CTNNA3: variants seen among roughly 807,000 people sequenced by gnomAD.
CTNNA3 encodes catenin alpha-3.
In CTNNA3, 76 loss-of-function variants were observed where a neutral mutation model predicts 95.7. The ratio of observed to expected loss-of-function variants is 0.79; its 90% CI spans 0.66 to 0.96. The LOEUF (loss-of-function observed/expected upper bound fraction) is 0.96, where lower values mean the gene tolerates loss of function less well. Ranked by LOEUF, CTNNA3 falls within the 40% of genes least tolerant of loss-of-function variation. The pLI is 0.00. For synonymous variants in CTNNA3, 431 were observed against 374.4 expected, an observed-to-expected ratio of 1.15 and a Z score of -1.74; for missense variants, 1,191 against 1,089.8, an observed-to-expected ratio of 1.09 and a Z score of -1.31.
intron 7 of CTNNA3, among the ~76,000 whole-genome samples, chr10:66,815,469 T>G (rs1043915196): frequency 6.6e-6 from 1 of 152,142 alleles, no homozygotes; most frequent in Non-Finnish European, 1.5e-5. Flanking sequence ...TTGTTTGACT[T>G]GTCTGGTGGT....
intron 1 of CTNNA3, among the ~76,000 whole-genome samples, chr10:67,704,508 G>C (rs545905625): frequency 1.2e-3 from 177 of 152,246 alleles, no homozygotes; most frequent in Admixed American, 2.4e-3. Context: ...ACAAACCTGA[G>C]AAAAACAAGC....
intron 1 of CTNNA3, among the ~76,000 whole-genome samples, chr10:67,723,280 C>A (rs1236123733): frequency 1.3e-5 from 2 of 151,576 alleles, no homozygotes; most frequent in Non-Finnish European, 2.9e-5. Flanking sequence ...AGCCACGGCA[C>A]CTGGCCTCTT....
intron 9 of CTNNA3, among the ~76,000 whole-genome samples, chr10:66,723,670 A>G (rs1311792815): frequency 6.6e-6 from 1 of 152,170 alleles, no homozygotes; most frequent in African/African-American, 2.4e-5. Context: ...ATCAGTTAAT[A>G]GCCTGTGTTG....
At chr10:66,806,302 C>T (rs1266383181) in intron 7 of CTNNA3, among the ~76,000 whole-genome samples, 3 of 116,478 alleles carry the variant, frequency 2.6e-5, no homozygotes, top group African/African-American at 1.0e-4. Context: ...TATATATACT[C>T]ATTTAATAAT....
intron 6 of CTNNA3, among the ~76,000 whole-genome samples, chr10:67,211,380 G>A (rs1264600252): frequency 6.6e-6 from 1 of 152,026 alleles, no homozygotes; most frequent in African/African-American, 2.4e-5. Flanking sequence ...GTACATCATG[G>A]GGTCTAAGAG....
chr10:66,172,575 A>G (rs1315951193), intron 13 of CTNNA3, among the ~76,000 whole-genome samples: 2 of 152,052 alleles, frequency 1.3e-5, no homozygotes, highest in Admixed American at 6.6e-5. Context: ...TTTGATGACC[A>G]TTATTTGCGA....
chr10:66,775,080 T>G (rs1004333171), intron 8 of CTNNA3, among the ~76,000 whole-genome samples: 5 of 152,164 alleles, frequency 3.3e-5, no homozygotes, highest in Admixed American at 1.3e-4. Context: ...TTGCTATGGG[T>G]CAGGCACTTA....
At chr10:66,099,527 T>C (rs1378528292) in intron 14 of CTNNA3, among the ~76,000 whole-genome samples, 1 of 152,066 alleles carries the variant, frequency 6.6e-6, no homozygotes, top group Non-Finnish European at 1.5e-5. Flanking sequence ...AAATATAATG[T>C]TGGTTCTTGT....
intron 13 of CTNNA3, among the ~76,000 whole-genome samples, chr10:66,202,870 T>A (rs2087519006): frequency 6.6e-6 from 1 of 152,236 alleles, no homozygotes; most frequent in African/African-American, 2.4e-5. Context: ...AATTAATTAC[T>A]CATTAATCAT....
rs1019539793 is a variant in CTNNA3 at position 67,750,836 on chromosome 10, T to C, written c.-2+12598A>G. On this transcript the variant is annotated intron_variant, in intron 1 of 17. Coordinates refer to the CTNNA3 transcript ENST00000684154. ...AAATATAAACCAGTGACTAACCAGG[T>C]TGAGTGTCACCCATACCTCACACAG... is the stretch of plus-strand genomic sequence containing the variant. 12 of 1,610,886 alleles carry C rather than the reference T, an allele frequency of 7.4e-6. No individual in the cohort carries two copies. In the East Asian group the frequency reaches 2.5e-4, roughly 33 times the overall value.
At chr10:67,113,177 T>C (rs928301525) in intron 7 of CTNNA3, among the ~76,000 whole-genome samples, 1 of 152,220 alleles carries the variant, frequency 6.6e-6, no homozygotes, top group Non-Finnish European at 1.5e-5. Flanking sequence ...TGAAATTATT[T>C]AGAGAGAAGT....
In CTNNA3 at chr10:65,948,280, CAAA is replaced by C. The variant is rs56966630; in HGVS notation, c.2400+18329_2400+18331del. 1.6e-4 allele frequency among the ~76,000 whole-genome samples: 16 copies of C among 97,712 alleles called. No individual in the cohort carries two copies. In the East Asian group the frequency reaches 2.5e-3, roughly 15 times the overall value. 64.1% of individuals were successfully genotyped at this position (97,712 alleles called of 152,430 possible). A position where few individuals can be genotyped will look rare whatever the true frequency, so the allele number is the denominator to read the frequency against. On this transcript the variant is annotated intron_variant, in intron 17 of 17. Transcript: ENST00000433211. ...TGGGCAACAGAGCGAGACTCCATCT[CAAA>C]AAAAAAAAAAAAAAAAGAAAGAAAG...
chr10:66,981,020 C>T (rs1167039332), intron 7 of CTNNA3, among the ~76,000 whole-genome samples: 1 of 152,106 alleles, frequency 6.6e-6, no homozygotes, highest in African/African-American at 2.4e-5. Context: ...GATTCTCTTG[C>T]CTCAGCCTCC....
chr10:67,197,364 A>T (rs982481649), intron 6 of CTNNA3, among the ~76,000 whole-genome samples: 3 of 151,928 alleles, frequency 2.0e-5, no homozygotes, highest in Non-Finnish European at 4.4e-5. Context: ...TCTACCTTTC[A>T]CTTCTGTCTA....
At chr10:67,171,101 G>A (rs964258417) in intron 7 of CTNNA3, among the ~76,000 whole-genome samples, 6 of 152,024 alleles carry the variant, frequency 3.9e-5, no homozygotes, top group African/African-American at 1.4e-4. Context: ...ACATATTATT[G>A]TAGTTTGCAT....
chr10:66,218,041 C>A (rs1005314075), intron 13 of CTNNA3, among the ~76,000 whole-genome samples: 1 of 152,180 alleles, frequency 6.6e-6, no homozygotes, highest in African/African-American at 2.4e-5. Flanking sequence ...TGTGTGGTGG[C>A]CTGGGATTCA....
chr10:66,564,555 A>G (rs1283162140), intron 10 of CTNNA3, among the ~76,000 whole-genome samples: 1 of 152,194 alleles, frequency 6.6e-6, no homozygotes, highest in Non-Finnish European at 1.5e-5. Context: ...AAGGAGTGCT[A>G]GATCATTTGT....
At chr10:66,064,158 G>GA (rs1182151609) in intron 15 of CTNNA3, among the ~76,000 whole-genome samples, 1 of 152,128 alleles carries the variant, frequency 6.6e-6, no homozygotes, top group Non-Finnish European at 1.5e-5. Flanking sequence ...GCGCAGGAAA[G>GA]AAAAGTGCCA....
Position 67,235,361 on chromosome 10 carries a change from A to G in CTNNA3, c.580-15491T>C, listed in dbSNP as rs532996865. On this transcript the variant is annotated intron_variant, in intron 5 of 17. Transcript: ENST00000433211. ...ACAGAACCCTCAGAAATAATGCCAC[A>G]TATCTACAACTATCTGATCTTTGAC... Among the ~76,000 whole-genome samples the G allele has an allele frequency of 3.1e-4, 47 of 152,148 alleles. 1 individual carries two copies. The East Asian group carries it at 8.7e-3, about 28-fold the overall frequency.
Sources: gnomAD v4.1 joint callset for allele counts (sites outside exome capture counted in the v4.1 genomes callset) on GRCh38, gnomAD v4.1.1 for gene constraint, MANE v1.5 for transcripts, NCBI Gene and HGNC (gene_info 2026-07-23, HGNC 2026-07-21) for gene names.